The following SCN10A variants were observed in gnomAD, a reference collection of about 807,000 sequenced individuals.
SCN10A encodes the protein sodium voltage-gated channel alpha subunit 10, also known as sodium channel protein type 10 subunit alpha.
Under a neutral mutation model 170.7 loss-of-function variants are expected in SCN10A, and 162 were observed. The ratio of observed to expected loss-of-function variants is 0.95; its 90% CI spans 0.84 to 1.08. The LOEUF (loss-of-function observed/expected upper bound fraction) is 1.08. Ranked by LOEUF, SCN10A falls within the 50% of genes least tolerant of loss-of-function variation. The pLI is 0.00. For synonymous variants in SCN10A, 985 were observed against 904.6 expected, an observed-to-expected ratio of 1.09 and a Z score of -1.59; for missense variants, 2,527 against 2,436.9, an observed-to-expected ratio of 1.04 and a Z score of -0.78.
intron 1 of SCN10A, among the ~76,000 whole-genome samples, chr3:38,814,779 C>A (rs182585434): frequency 6.6e-6 from 1 of 152,310 alleles, no homozygotes; most frequent in African/African-American, 2.4e-5. Context: ...TAAGGCCACT[C>A]TAAAACCTTC....
intron 19 of SCN10A, 62 bp from the exon 20 acceptor site, chr3:38,722,474 C>A: frequency 5.2e-6 from 8 of 1,552,770 alleles, no homozygotes; most frequent in Middle Eastern, 1.7e-4. Context: ...AATTTCTGCT[C>A]CTGCTGCAGA....
At chr3:38,771,164 TG>T in intron 5 of SCN10A, 114 bp downstream of exon 5, 1 of 1,127,754 alleles carries the variant, frequency 8.9e-7, no homozygotes, top group Non-Finnish European at 1.3e-6. Context: ...CAAACGTTCA[TG>T]GTGTGAGTCT....
In SCN10A at chr3:38,761,328, C is replaced by A; in HGVS notation, c.747G>T (p.Val249=). ...LIHSVKKLAD[V]TILTIFCLSV... is the part of the protein sequence containing the mutation. ...TTAGGCAGAAGATGGTGAGGATGGT[C>A]ACATCAGCCAGTTTCTTCACTGAGT... The change falls in exon 7 of 28, where the codon GTG becomes GTT. Residue 249 remains valine, a synonymous_variant. Transcript: ENST00000449082. The A allele has an allele frequency of 6.2e-7, 1 of 1,613,862 alleles. No individual in the cohort carries two copies. Among genetic ancestry groups the A allele is most frequent in the South Asian group, 1.1e-5 (1 of 90,974 alleles).
intron 15 of SCN10A, among the ~76,000 whole-genome samples, chr3:38,737,268 C>A (rs1451972735): frequency 6.6e-6 from 1 of 152,090 alleles, no homozygotes; most frequent in Non-Finnish European, 1.5e-5. Context: ...CCGCGCCCAG[C>A]CTCGTATTTT....
Position 38,726,771 on chromosome 3 carries a change from G to A in SCN10A, c.2922C>T (p.Leu974=), listed in dbSNP as rs778416357. The change falls in exon 17 of 28, where the codon CTC becomes CTT. Residue 974 remains leucine, a synonymous_variant. Transcript: ENST00000449082. ...CATCCCTGGGGCCTCTGGGAGCTTG[G>A]AGCCCTCCAGAGCTCCCCCTGGCAG... is the stretch of plus-strand genomic sequence containing the variant. ...ANTARGSSGG[L]QAPRGPRDEH... 1 of 1,610,530 alleles carries A rather than the reference G, an allele frequency of 6.2e-7. No individual in the cohort carries two copies. Among genetic ancestry groups the A allele is most frequent in the African/African-American group, 1.3e-5 (1 of 74,988 alleles).
intron 27 of SCN10A, among the ~76,000 whole-genome samples, chr3:38,701,141 T>C (rs1324757163): frequency 6.6e-6 from 1 of 152,174 alleles, no homozygotes; most frequent in Non-Finnish European, 1.5e-5. Context: ...GCTCAGAACT[T>C]AGGAAGTATT....
rs756992674 is a variant in SCN10A at position 38,728,747 on chromosome 3, T to G, written c.2435A>C (p.Asn812Thr). The G allele has an allele frequency of 6.2e-7, 1 of 1,614,136 alleles. No homozygotes were observed. Among genetic ancestry groups the G allele is most frequent in the Non-Finnish European group, 8.5e-7 (1 of 1,180,020 alleles). ...GATATTTTTTCGGTTGTTACGGTAG[T>G]TTTCCCCTAGGAGCTGCTTGCCAAC... ...ALVGKQLLGE[N>T]YRNNRKNISA... The change falls in exon 16 of 28, where the codon AAC (asparagine) becomes ACC (threonine). Residue 812 changes from asparagine (N) to threonine (T), a missense_variant. Asn to Thr is a moderately conservative substitution (Grantham distance 65). Transcript: ENST00000449082.
chr3:38,708,724 A>G (rs1183485508), intron 25 of SCN10A, among the ~76,000 whole-genome samples: 1 of 152,148 alleles, frequency 6.6e-6, no homozygotes, highest in Admixed American at 6.5e-5. Flanking sequence ...TATTAGCCCC[A>G]TTGAATGAAT....
chr3:38,716,628 T>G (rs191378981), intron 21 of SCN10A, among the ~76,000 whole-genome samples: 1 of 152,120 alleles, frequency 6.6e-6, no homozygotes, highest in Admixed American at 6.6e-5. Flanking sequence ...TAAAATATAT[T>G]TTTTAAAATT....
chr3:38,754,568 A>G (rs1335124196), intron 11 of SCN10A, among the ~76,000 whole-genome samples: 1 of 152,208 alleles, frequency 6.6e-6, no homozygotes, highest in African/African-American at 2.4e-5. Flanking sequence ...ATTCAGTGTC[A>G]TTGACATTTC....
intron 8 of SCN10A, among the ~76,000 whole-genome samples, chr3:38,757,685 A>G (rs1247350380): frequency 6.6e-6 from 1 of 152,226 alleles, no homozygotes; most frequent in African/African-American, 2.4e-5. Flanking sequence ...CAGATAAGGA[A>G]TCTGGGGGTC....
chr3:38,761,421 G>C, intron 6 of SCN10A, 38 bp from the exon 7 acceptor site: 1 of 1,562,614 alleles, frequency 6.4e-7, no homozygotes, highest in South Asian at 1.2e-5. Flanking sequence ...ACATGGATGA[G>C]GTAGCACACA....
intron 4 of SCN10A, among the ~76,000 whole-genome samples, chr3:38,779,658 C>A (rs1464424644): frequency 6.6e-6 from 1 of 151,736 alleles, no homozygotes; most frequent in Non-Finnish European, 1.5e-5. Flanking sequence ...GTGACTTATT[C>A]CCTGAATATG....
chr3:38,738,490 A>G (rs1307222462), intron 15 of SCN10A, among the ~76,000 whole-genome samples: 1 of 152,112 alleles, frequency 6.6e-6, no homozygotes, highest in Non-Finnish European at 1.5e-5. Context: ...GATCTGTCCT[A>G]GAGTCTCGTT....
rs776101575 is a variant in SCN10A, at chr3:38,697,603, G to C, written c.5617C>G (p.Leu1873Val). 1.2e-6 allele frequency: 2 copies of C among 1,614,218 alleles called. No homozygotes were observed. The highest frequency in any genetic ancestry group is 1.1e-5 in the South Asian group (1 of 91,080). Residue 1873 changes from leucine (L) to valine (V), a missense_variant, in exon 28 of 28, where the codon CTC becomes GTC. By Grantham distance (32) the Leu-to-Val change is conservative. Coordinates refer to ENST00000449082, the MANE Select transcript of SCN10A (RefSeq NM_006514.4). ...RSYVLHRSMALSNTPCVPRAE... is the reference protein window; with the variant it reads ...RSYVLHRSMAVSNTPCVPRAE... Reference sequence around the variant, plus strand: ...CTGGGCACACATGGGGTGTTAGAGAGTGCCATGGAGCGGTGCAGCACATAG... The same window carrying C: ...CTGGGCACACATGGGGTGTTAGAGACTGCCATGGAGCGGTGCAGCACATAG...
chr3:38,703,422 C>A (rs1437243268), intron 26 of SCN10A, among the ~76,000 whole-genome samples: 7 of 152,238 alleles, frequency 4.6e-5, no homozygotes, highest in African/African-American at 1.7e-4. Flanking sequence ...TCTCTTCCCA[C>A]CTTCAAAGCA....
intron 15 of SCN10A, among the ~76,000 whole-genome samples, chr3:38,738,170 G>A (rs1158040229): frequency 6.6e-6 from 1 of 151,952 alleles, no homozygotes; most frequent in Non-Finnish European, 1.5e-5. Context: ...GGGCTCAAGC[G>A]ATCTGCCTGC....
chr3:38,805,992 A>G (rs1201308997), intron 1 of SCN10A, among the ~76,000 whole-genome samples: 1 of 152,096 alleles, frequency 6.6e-6, no homozygotes, highest in Non-Finnish European at 1.5e-5. Context: ...CCTAGTCTGG[A>G]TTTGAGCTGA....
intron 8 of SCN10A, among the ~76,000 whole-genome samples, chr3:38,759,552 AG>A (rs2063845432): frequency 6.6e-6 from 1 of 152,154 alleles, no homozygotes; most frequent in South Asian, 2.1e-4. Context: ...TGTTTTCCAC[AG>A]GGTAGCATCT....
Sources: gnomAD v4.1 joint callset for allele counts (sites outside exome capture counted in the v4.1 genomes callset) on GRCh38, gnomAD v4.1.1 for gene constraint, MANE v1.5 for transcripts, NCBI Gene and HGNC (gene_info 2026-07-23, HGNC 2026-07-21) for gene names.